GRIK2: variants seen among roughly 807,000 people sequenced by gnomAD.
GRIK2 encodes the protein glutamate ionotropic receptor kainate type subunit 2, also known as glutamate receptor ionotropic, kainate 2.
A neutral mutation model predicts 100.3 loss-of-function variants in GRIK2; 32 were observed. That is an observed-to-expected ratio of 0.32 (90% CI 0.24 to 0.43). The LOEUF (loss-of-function observed/expected upper bound fraction) is 0.43. Ranked by LOEUF, GRIK2 falls within the 20% of genes least tolerant of loss-of-function variation. GRIK2 has a pLI of 1.00. For missense variants in GRIK2, 843 were observed against 1,114.9 expected, an observed-to-expected ratio of 0.76 and a Z score of 3.47; for synonymous variants, 417 against 389.4, an observed-to-expected ratio of 1.07 and a Z score of -0.83.
intron 2 of GRIK2, among the ~76,000 whole-genome samples, chr6:101,555,597 A>G (rs769651920): frequency 5.3e-5 from 8 of 152,214 alleles, no homozygotes; most frequent in Non-Finnish European, 8.8e-5. Flanking sequence ...TCTATTGGGT[A>G]CATTATTTCC....
intron 2 of GRIK2, among the ~76,000 whole-genome samples, chr6:101,480,215 T>C (rs941063582): frequency 2.0e-5 from 3 of 152,142 alleles, no homozygotes; most frequent in Admixed American, 2.0e-4. Context: ...TCATCAATGC[T>C]CACAAATCGA....
At chr6:101,593,349 T>C (rs1778766474) in intron 2 of GRIK2, among the ~76,000 whole-genome samples, 1 of 151,908 alleles carries the variant, frequency 6.6e-6, no homozygotes, top group Admixed American at 6.6e-5. Flanking sequence ...TATATTCTGA[T>C]CTTTAATAAT....
intron 12 of GRIK2, among the ~76,000 whole-genome samples, chr6:101,911,819 C>A (rs1434408364): frequency 2.0e-5 from 3 of 151,322 alleles, no homozygotes; most frequent in Non-Finnish European, 3.0e-5. Context: ...CATCTTATTA[C>A]ACAATAATAC....
At chr6:101,652,266 G>A (rs1562286155) in intron 4 of GRIK2, among the ~76,000 whole-genome samples, 1 of 152,030 alleles carries the variant, frequency 6.6e-6, no homozygotes, top group Non-Finnish European at 1.5e-5. Context: ...CATGAAGGTG[G>A]AGCCCTCATG....
intron 2 of GRIK2, among the ~76,000 whole-genome samples, chr6:101,454,675 T>G (rs962105291): frequency 2.0e-5 from 3 of 152,158 alleles, no homozygotes; most frequent in Non-Finnish European, 4.4e-5. Context: ...TACTGAATTC[T>G]GCTCTATATG....
intron 2 of GRIK2, among the ~76,000 whole-genome samples, chr6:101,579,393 C>T (rs1040834544): frequency 8.6e-5 from 13 of 151,982 alleles, no homozygotes; most frequent in Non-Finnish European, 1.5e-4. Flanking sequence ...TCATCATGCT[C>T]TCTTTTCTTT....
intron 10 of GRIK2, among the ~76,000 whole-genome samples, chr6:101,820,549 G>A (rs1014880036): frequency 2.0e-5 from 3 of 152,016 alleles, no homozygotes; most frequent in South Asian, 4.1e-4. Flanking sequence ...AGGTTCAAAC[G>A]ATTCTCCTGC....
chr6:101,586,889 T>TAAG (rs1778392288), intron 2 of GRIK2, among the ~76,000 whole-genome samples: 1 of 25,484 alleles, frequency 3.9e-5, no homozygotes, highest in African/African-American at 2.8e-4. Flanking sequence ...GTCTCTGTCT[T>TAAG]AACAAAAAAA....
At chr6:101,407,522 C>A (rs976029849) in intron 2 of GRIK2, among the ~76,000 whole-genome samples, 1 of 152,098 alleles carries the variant, frequency 6.6e-6, no homozygotes, top group Non-Finnish European at 1.5e-5. Context: ...GGTAGCTCCC[C>A]TAGAAATGTG....
intron 7 of GRIK2, among the ~76,000 whole-genome samples, chr6:101,704,105 G>T (rs943744806): frequency 6.6e-6 from 1 of 151,690 alleles, no homozygotes. Flanking sequence ...CTTGAGATTA[G>T]GGGCCATAAA....
At chr6:101,513,928 G>C (rs1454672950) in intron 2 of GRIK2, among the ~76,000 whole-genome samples, 1 of 151,894 alleles carries the variant, frequency 6.6e-6, no homozygotes, top group Admixed American at 6.6e-5. Flanking sequence ...GTACAATAGG[G>C]AAAAAATGAT....
intron 2 of GRIK2, among the ~76,000 whole-genome samples, chr6:101,426,976 C>A (rs1403570759): frequency 1.3e-5 from 2 of 152,102 alleles, no homozygotes; most frequent in African/African-American, 4.8e-5. Flanking sequence ...TGCTTAATAT[C>A]CTGTAAAGCA....
chr6:101,820,108 C>T (rs1200803914), intron 10 of GRIK2, among the ~76,000 whole-genome samples: 1 of 152,144 alleles, frequency 6.6e-6, no homozygotes, highest in East Asian at 1.9e-4. Flanking sequence ...GAATGCTCTT[C>T]CCTTGCTCTG....
intron 11 of GRIK2, among the ~76,000 whole-genome samples, chr6:101,880,680 T>A (rs1340833584): frequency 9.9e-5 from 15 of 152,146 alleles, no homozygotes; most frequent in Middle Eastern, 3.4e-3. Flanking sequence ...AATTTTGTCT[T>A]AGTTCCAAGT....
At chr6:101,726,652 T>A (rs1774890528) in intron 7 of GRIK2, among the ~76,000 whole-genome samples, 1 of 152,036 alleles carries the variant, frequency 6.6e-6, no homozygotes, top group African/African-American at 2.4e-5. Flanking sequence ...AATGATTGCA[T>A]ATTTGAACAA....
At chr6:102,001,811 T>C (rs1794956380) in intron 14 of GRIK2, among the ~76,000 whole-genome samples, 1 of 151,958 alleles carries the variant, frequency 6.6e-6, no homozygotes, top group Non-Finnish European at 1.5e-5. Flanking sequence ...TTTAAATTTC[T>C]CTTTTGATTT....
At chr6:101,451,698 G>GA (rs1041830438) in intron 2 of GRIK2, among the ~76,000 whole-genome samples, 7 of 59,178 alleles carry the variant, frequency 1.2e-4, no homozygotes, top group Admixed American at 2.1e-4. Flanking sequence ...ATCTCTGAGG[G>GA]GGGGGGGGGT....
At position 101,658,903 on chromosome 6, in the gene GRIK2, T is replaced by A. The variant is rs1342368679; in HGVS notation, c.542-17720T>A. Among the ~76,000 whole-genome samples, 3 of 152,338 alleles carry A rather than the reference T, an allele frequency of 2.0e-5. No individual in the cohort carries two copies. The East Asian group carries it at 5.8e-4, about 29-fold the overall frequency. ...CTTTTTCCTGCAAATTTGTTTAACTTCCTTGTAGATTCTGGATATTAGCCC... is the reference window on the plus strand; with the variant it reads ...CTTTTTCCTGCAAATTTGTTTAACTACCTTGTAGATTCTGGATATTAGCCC... On this transcript the variant is annotated intron_variant, in intron 4 of 16. Coordinates refer to ENST00000369134, the MANE Select transcript of GRIK2 (RefSeq NM_021956.5).
chr6:101,683,096 G>A (rs1241274155), intron 6 of GRIK2, among the ~76,000 whole-genome samples: 4 of 152,074 alleles, frequency 2.6e-5, no homozygotes, highest in Non-Finnish European at 5.9e-5. Flanking sequence ...ACAGCTACTC[G>A]GGAGCCTGAG....
Sources: allele counts gnomAD v4.1 joint callset (sites outside exome capture counted in the v4.1 genomes callset), GRCh38; gene constraint gnomAD v4.1.1; transcripts MANE v1.5; gene names NCBI Gene and HGNC (gene_info 2026-07-23, HGNC 2026-07-21).